Variants in ROBO2 observed in about 807,000 individuals in gnomAD.
ROBO2 encodes roundabout homolog 2.
A neutral mutation model predicts 160.8 loss-of-function variants in ROBO2; 53 were observed. That is an observed-to-expected ratio of 0.33 (90% CI 0.26 to 0.41). The LOEUF (loss-of-function observed/expected upper bound fraction) is 0.41. ROBO2 is among the 10% of genes least tolerant of loss of function. The pLI, the probability that ROBO2 is intolerant of heterozygous loss-of-function variation, is 1.00. For missense variants in ROBO2, 1,577 were observed against 1,722.4 expected, an observed-to-expected ratio of 0.92 and a Z score of 1.49; for synonymous variants, 664 against 611.7, an observed-to-expected ratio of 1.09 and a Z score of -1.26.
At chr3:76,736,612 G>C (rs1201393703) in intron 2 of ROBO2, among the ~76,000 whole-genome samples, 1 of 152,170 alleles carries the variant, frequency 6.6e-6, no homozygotes, top group African/African-American at 2.4e-5. Flanking sequence ...AGGATCTGCA[G>C]TAAGTAACAT....
At chr3:76,691,954 A>G (rs1052244956) in intron 2 of ROBO2, among the ~76,000 whole-genome samples, 1 of 152,154 alleles carries the variant, frequency 6.6e-6, no homozygotes, top group African/African-American at 2.4e-5. Context: ...GCCAAGTTAC[A>G]TCTTAGCCAA....
chr3:76,623,032 C>T (rs1403842879), intron 2 of ROBO2, among the ~76,000 whole-genome samples: 5 of 152,218 alleles, frequency 3.3e-5, no homozygotes, highest in African/African-American at 9.6e-5. Context: ...ACTCTCTTCA[C>T]TCAAGAACCA....
At chr3:76,224,659 C>T (rs1421402649) in intron 2 of ROBO2, among the ~76,000 whole-genome samples, 3 of 152,108 alleles carry the variant, frequency 2.0e-5, no homozygotes, top group African/African-American at 7.2e-5. Flanking sequence ...TAAAATTAAC[C>T]ACGACTTACC....
At chr3:76,972,432 A>G (rs1259945243) in intron 2 of ROBO2, among the ~76,000 whole-genome samples, 1 of 151,994 alleles carries the variant, frequency 6.6e-6, no homozygotes, top group African/African-American at 2.4e-5. Context: ...TTTTGAATGC[A>G]GAGAAAGGCG....
At chr3:76,019,107 G>A (rs1367165735) in intron 2 of ROBO2, among the ~76,000 whole-genome samples, 8 of 150,322 alleles carry the variant, frequency 5.3e-5, no homozygotes, top group South Asian at 2.1e-4. Flanking sequence ...AGTTCTGTGC[G>A]TATCTGCGAA....
chr3:76,641,932 A>ATGAGGTCATGCAGGC (rs1457639128), intron 2 of ROBO2, among the ~76,000 whole-genome samples: 57 of 151,950 alleles, frequency 3.8e-4, no homozygotes, highest in African/African-American at 1.3e-3. Flanking sequence ...TTTTGTAGAG[A>ATGAGGTCATGCAGGC]TGGTCTCGAA....
At chr3:76,792,872 C>A (rs1262580530) in intron 2 of ROBO2, among the ~76,000 whole-genome samples, 1 of 151,736 alleles carries the variant, frequency 6.6e-6, no homozygotes, top group Non-Finnish European at 1.5e-5. Flanking sequence ...ATGCATGGCA[C>A]TCTCATATGT....
At chr3:75,954,894 G>A (rs1202570375) in intron 2 of ROBO2, among the ~76,000 whole-genome samples, 2 of 151,830 alleles carry the variant, frequency 1.3e-5, no homozygotes, top group East Asian at 3.9e-4. Context: ...ATAATATAAT[G>A]AAATACATGA....
chr3:76,580,342 G>GTTTTTTTTTTTTTTTTTTTTTTTTTTTTT (rs71101901), intron 2 of ROBO2, among the ~76,000 whole-genome samples: 3 of 90,538 alleles, frequency 3.3e-5, no homozygotes, highest in African/African-American at 4.4e-5. Flanking sequence ...TTTTTTTTGT[G>GTTTTTTTTTTTTTTTTTTTTTTTTTTTTT]TTTTTTTTTT....
rs75995148 is a variant in ROBO2, at chr3:76,053,607, A to G, written c.109+116005A>G. On this transcript the variant is annotated intron_variant, in intron 2 of 26. Coordinates refer to the ROBO2 transcript ENST00000487694. Reference sequence around the variant, plus strand: ...GTCAAAAGAAATGTTATCAGATGCTATAAAATAACTATCTTCTGTAATGTA... The same window carrying G: ...GTCAAAAGAAATGTTATCAGATGCTGTAAAATAACTATCTTCTGTAATGTA... Among the ~76,000 whole-genome samples, 1,066 of 152,204 alleles carry G rather than the reference A, an allele frequency of 7.0e-3. 63 individuals are homozygous for G. In the East Asian group the frequency reaches 0.15, roughly 22 times the overall value.
At chr3:77,427,813 A>G (rs962496291) in intron 2 of ROBO2, among the ~76,000 whole-genome samples, 25 of 152,360 alleles carry the variant, frequency 1.6e-4, no homozygotes, top group African/African-American at 6.0e-4. Flanking sequence ...AATTTAAACT[A>G]TCAATAAAGA....
intron 2 of ROBO2, among the ~76,000 whole-genome samples, chr3:75,939,297 T>C (rs895587618): frequency 1.3e-5 from 2 of 152,186 alleles, no homozygotes; most frequent in African/African-American, 2.4e-5. Flanking sequence ...TTTCCAGTAA[T>C]TGTGGCTTGT....
At chr3:77,313,185 A>C (rs1010236780) in intron 2 of ROBO2, among the ~76,000 whole-genome samples, 1 of 152,190 alleles carries the variant, frequency 6.6e-6, no homozygotes, top group Non-Finnish European at 1.5e-5. Flanking sequence ...GATGGGTTAG[A>C]GATTCTGTGT....
At chr3:76,695,378 T>C (rs2092905660) in intron 2 of ROBO2, among the ~76,000 whole-genome samples, 1 of 152,160 alleles carries the variant, frequency 6.6e-6, no homozygotes, top group African/African-American at 2.4e-5. Context: ...TAGGCCGTCT[T>C]CATAAGTAAT....
chr3:76,951,453 A>G (rs750716654), intron 2 of ROBO2, among the ~76,000 whole-genome samples: 6 of 152,326 alleles, frequency 3.9e-5, no homozygotes, highest in Admixed American at 6.5e-5. Flanking sequence ...ACTTCCCTAC[A>G]TTACATATAC....
chr3:76,654,938 T>TATATATAA (rs1298681501), intron 2 of ROBO2, among the ~76,000 whole-genome samples: 2 of 148,328 alleles, frequency 1.3e-5, no homozygotes, highest in Admixed American at 1.4e-4. Flanking sequence ...TTTATATATA[T>TATATATAA]AAATTTAAAG....
intron 2 of ROBO2, among the ~76,000 whole-genome samples, chr3:76,851,667 G>C (rs982973202): frequency 1.4e-5 from 2 of 145,592 alleles, no homozygotes; most frequent in African/African-American, 5.2e-5. Context: ...CCCGGGAAGC[G>C]GAGCTTGCAG....
At chr3:77,377,368 G>A (rs894574745) in intron 2 of ROBO2, among the ~76,000 whole-genome samples, 5 of 152,062 alleles carry the variant, frequency 3.3e-5, no homozygotes, top group Non-Finnish European at 1.5e-5. Flanking sequence ...TTCATATACT[G>A]TGTAAAAGGT....
intron 2 of ROBO2, among the ~76,000 whole-genome samples, chr3:76,161,315 G>A (rs2072626932): frequency 6.6e-6 from 1 of 152,068 alleles, no homozygotes; most frequent in Admixed American, 6.6e-5. Context: ...TGTCCTTAAT[G>A]TGTTTATTCT....
Sources: gnomAD v4.1 joint callset for allele counts (sites outside exome capture counted in the v4.1 genomes callset) on GRCh38, gnomAD v4.1.1 for gene constraint, MANE v1.5 for transcripts, NCBI Gene and HGNC (gene_info 2026-07-23, HGNC 2026-07-21) for gene names.